Variants in BMPER observed in about 807,000 individuals in gnomAD.
The protein encoded by BMPER is BMP-binding endothelial regulator protein.
A neutral mutation model predicts 87.3 loss-of-function variants in BMPER; 45 were observed. The ratio of observed to expected loss-of-function variants is 0.52; its 90% CI spans 0.41 to 0.66. The LOEUF (loss-of-function observed/expected upper bound fraction) is 0.66. BMPER is among the 30% of genes least tolerant of loss of function. The probability of loss-of-function intolerance (pLI) is 0.00; values close to 1 mark genes in which losing one functional copy is unlikely to be tolerated. For missense variants in BMPER, 784 were observed against 867.5 expected (o/e 0.90, Z 1.21); for synonymous variants, 326 against 316.2 (o/e 1.03, Z -0.33).
chr7:34,042,775 A>G (rs1015819121), intron 6 of BMPER: 1 of 152,228 alleles, frequency 6.6e-6, no homozygotes, highest in African/African-American at 2.4e-5. Context: ...GATAGAAGGC[A>G]CAGAGGACTG....
At chr7:34,105,002 G>C (rs1789783117) in intron 13 of BMPER, among the ~76,000 whole-genome samples, 1 of 152,158 alleles carries the variant, frequency 6.6e-6, no homozygotes, top group African/African-American at 2.4e-5. Flanking sequence ...CTGTCTTCTG[G>C]ATTTATTTTA....
At chr7:34,017,377 G>A (rs1787054049) in intron 6 of BMPER, among the ~76,000 whole-genome samples, 1 of 151,792 alleles carries the variant, frequency 6.6e-6, no homozygotes, top group South Asian at 2.1e-4. Context: ...GGTGGAAGGT[G>A]AATGGAGGAC....
At chr7:33,905,243 C>G (rs562389845), upstream of BMPER, 166 of 342,262 alleles carry the variant, frequency 4.9e-4, 1 homozygote, top group South Asian at 4.3e-3. Flanking sequence ...AGTGCGCAGT[C>G]GGCAGCGCCG....
intron 2 of BMPER, among the ~76,000 whole-genome samples, chr7:33,919,675 C>A (rs888002821): frequency 7.2e-5 from 11 of 152,246 alleles, no homozygotes; most frequent in African/African-American, 2.6e-4. Context: ...ATTTATTGAG[C>A]ATTTATGTTA....
At chr7:34,139,990 G>A (rs908253854) in intron 13 of BMPER, among the ~76,000 whole-genome samples, 2 of 152,166 alleles carry the variant, frequency 1.3e-5, no homozygotes, top group Non-Finnish European at 2.9e-5. Flanking sequence ...TCTCTGGGCT[G>A]TGTATAAATA....
chr7:34,054,852 T>C (rs945889683), intron 8 of BMPER, among the ~76,000 whole-genome samples: 9 of 152,144 alleles, frequency 5.9e-5, no homozygotes, highest in Non-Finnish European at 1.0e-4. Flanking sequence ...AACTGGTGGT[T>C]CGTGGGGAGC....
intron 13 of BMPER, among the ~76,000 whole-genome samples, chr7:34,136,031 G>A (rs1433335561): frequency 2.0e-5 from 3 of 152,192 alleles, no homozygotes; most frequent in Non-Finnish European, 4.4e-5. Context: ...TGGACTTGCT[G>A]TTCTGTCCTG....
At chr7:33,979,512 C>G (rs1265672875) in intron 6 of BMPER, among the ~76,000 whole-genome samples, 1 of 152,028 alleles carries the variant, frequency 6.6e-6, no homozygotes, top group African/African-American at 2.4e-5. Context: ...AATGTTGGCA[C>G]CCTTCTTCTT....
intron 14 of BMPER, among the ~76,000 whole-genome samples, chr7:34,147,359 T>TATTG (rs987241922): frequency 2.0e-5 from 3 of 152,248 alleles, no homozygotes; most frequent in African/African-American, 7.2e-5. Flanking sequence ...TGATTGAATG[T>TATTG]ATTGATAAAG....
intron 6 of BMPER, among the ~76,000 whole-genome samples, chr7:34,011,556 G>A (rs182893765): frequency 8.1e-4 from 101 of 124,912 alleles, no homozygotes; most frequent in Middle Eastern, 5.2e-3. Context: ...ATGTAAATAG[G>A]CCTTTGCTGC....
At chr7:34,129,575 AAG>A (rs1175255490) in intron 13 of BMPER, among the ~76,000 whole-genome samples, 60 of 75,554 alleles carry the variant, frequency 7.9e-4, no homozygotes, top group Non-Finnish European at 1.1e-3. Flanking sequence ...GGAAGGAAGG[AAG>A]GAGAGAGAGA....
chr7:34,008,258 C>T (rs1371353884), intron 6 of BMPER, among the ~76,000 whole-genome samples: 1 of 151,692 alleles, frequency 6.6e-6, no homozygotes, highest in Non-Finnish European at 1.5e-5. Flanking sequence ...TGTTGATTTC[C>T]AAGGGCTTTT....
chr7:34,104,850 T>C (rs1394015375), intron 13 of BMPER, among the ~76,000 whole-genome samples: 8 of 152,048 alleles, frequency 5.3e-5, no homozygotes, highest in Non-Finnish European at 1.0e-4. Flanking sequence ...GCCTGACAGA[T>C]GGGTGTGAAA....
chr7:33,946,191 T>C (rs1784890326), intron 3 of BMPER, among the ~76,000 whole-genome samples: 1 of 152,018 alleles, frequency 6.6e-6, no homozygotes, highest in Non-Finnish European at 1.5e-5. Context: ...TATAAAACCA[T>C]CAGATCTCGT....
chr7:33,916,246 C>A (rs1784084827), intron 2 of BMPER, among the ~76,000 whole-genome samples: 1 of 152,162 alleles, frequency 6.6e-6, no homozygotes, highest in Non-Finnish European at 1.5e-5. Flanking sequence ...TGGGTTGCTC[C>A]TCTATTTTTT....
intron 13 of BMPER, among the ~76,000 whole-genome samples, chr7:34,090,625 T>C (rs964122187): frequency 6.6e-6 from 1 of 152,190 alleles, no homozygotes; most frequent in African/African-American, 2.4e-5. Flanking sequence ...TGGGGAAAGT[T>C]TTTTATTCCT....
chr7:33,991,237 A>G (rs566751698), intron 6 of BMPER, among the ~76,000 whole-genome samples: 18 of 151,032 alleles, frequency 1.2e-4, no homozygotes, highest in African/African-American at 3.6e-4. Flanking sequence ...CTGTGAATCC[A>G]TCTGGTCGTG....
chr7:33,940,914 G>T (rs1319921922), intron 3 of BMPER, among the ~76,000 whole-genome samples: 1 of 125,122 alleles, frequency 8.0e-6, no homozygotes, highest in Admixed American at 8.5e-5. Flanking sequence ...ATTACATATT[G>T]TATATATTTA....
intron 5 of BMPER, among the ~76,000 whole-genome samples, chr7:33,973,750 A>G (rs948228072): frequency 1.3e-5 from 2 of 152,196 alleles, no homozygotes; most frequent in Non-Finnish European, 2.9e-5. Flanking sequence ...ACCGTCTTCC[A>G]TGGAGAAAGT....
Sources: gnomAD v4.1 joint callset for allele counts (sites outside exome capture counted in the v4.1 genomes callset) on GRCh38, gnomAD v4.1.1 for gene constraint, MANE v1.5 for transcripts, NCBI Gene and HGNC (gene_info 2026-07-23, HGNC 2026-07-21) for gene names.